Variants in DYNC1H1 observed in about 807,000 individuals in gnomAD.
The protein encoded by DYNC1H1 is cytoplasmic dynein 1 heavy chain 1.
Under a neutral mutation model 527.1 loss-of-function variants are expected in DYNC1H1, and 51 were observed. That is an observed-to-expected ratio of 0.10 (90% confidence interval 0.08 to 0.12). The LOEUF is 0.12. DYNC1H1 is among the 10% of genes least tolerant of loss of function. The probability of loss-of-function intolerance (pLI) is 1.00; values close to 1 mark genes in which losing one functional copy is unlikely to be tolerated. For synonymous variants in DYNC1H1, 2,189 were observed against 2,278.8 expected (o/e 0.96, Z 1.12); for missense variants, 2,771 against 5,971.8 (o/e 0.46, Z 17.66).
chr14:102,020,030 T>C lies in DYNC1H1; in HGVS notation c.8481T>C (p.His2827=), dbSNP rs761653810. Residue 2827 remains histidine (H), a synonymous_variant, in exon 42 of 78, where the codon CAT becomes CAC. Transcript: ENST00000360184. This position sits in a 1 kb window ranked among gnomAD's most constrained non-coding sequence, Gnocchi z 4.3. ...AAGGCCTCATTCGGATTTGGGCACA[T>C]GAAGCTCTGCGTCTCTTCCAAGATA... is the stretch of plus-strand genomic sequence containing the variant. ...PVEGLIRIWA[H]EALRLFQDRL... The C allele has an allele frequency of 2.5e-6, 4 of 1,614,068 alleles. No homozygotes were observed. In the African/African-American group the frequency reaches 4.0e-5, roughly 16 times the overall value.
At position 102,042,501 on chromosome 14, in the gene DYNC1H1, C is replaced by T. The variant is rs752877178; in HGVS notation, c.12393C>T (p.Asn4131=). The T allele has an allele frequency of 6.2e-7, 1 of 1,614,120 alleles. No homozygotes were observed. The highest frequency in any genetic ancestry group is 8.5e-7 in the Non-Finnish European group (1 of 1,180,026). Residue 4131 remains asparagine (N), a synonymous_variant, in exon 68 of 78, where the codon AAC becomes AAT. Coordinates refer to ENST00000360184, the MANE Select transcript of DYNC1H1 (RefSeq NM_001376.5). This position sits in a 1 kb window ranked among gnomAD's most constrained non-coding sequence, Gnocchi z 5.7. ...GACTCTTCCTCACCATGGAGATCAA[C>T]CCCAAGGTGGGTGGTTGAAGGAGTG... ...CFRLFLTMEI[N]PKVPVNLLRA...
chr14:102,026,512 A>G, intron 43 of DYNC1H1, 62 bp from the exon 44 acceptor site: 6 of 1,583,160 alleles, frequency 3.8e-6, no homozygotes, highest in Non-Finnish European at 4.3e-6. Context: ...CATACAGTTG[A>G]CTTTGGTCTA....
chr14:102,049,672 C>T lies in DYNC1H1; in HGVS notation c.13516-42C>T. On this transcript the variant is annotated intron_variant, in intron 75 of 77. Transcript: ENST00000360184. This position sits in a 1 kb window ranked among gnomAD's most constrained non-coding sequence, Gnocchi z 5.5. ...CTGGGGAAAAACACAGGGCCCAGGT[C>T]TGACCTGAGCTCCTTCCCCTGGGGG... The T allele has an allele frequency of 6.2e-7, 1 of 1,613,734 alleles. No homozygotes were observed. Among genetic ancestry groups the T allele is most frequent in the Non-Finnish European group, 8.5e-7 (1 of 1,180,024 alleles).
rs748969396 is a variant in DYNC1H1, at chr14:102,002,173, C to T, written c.4543-364C>T. On this transcript the variant is annotated intron_variant, in intron 21 of 77. Coordinates refer to ENST00000360184, the MANE Select transcript of DYNC1H1 (RefSeq NM_001376.5). This position sits in a 1 kb window ranked among gnomAD's most constrained non-coding sequence, Gnocchi z 4.4. Reference sequence around the variant, plus strand: ...TCACCCAGGCTGGAGTGCAATGGCACGATCTCGGCTCACTGCAACCTCTGC... The same window carrying T: ...TCACCCAGGCTGGAGTGCAATGGCATGATCTCGGCTCACTGCAACCTCTGC... 2.6e-5 allele frequency among the ~76,000 whole-genome samples: 4 copies of T among 151,582 alleles called. No homozygotes were observed. The highest frequency in any genetic ancestry group is 2.1e-4 in the South Asian group (1 of 4,786).
At position 102,038,234 on chromosome 14, in the gene DYNC1H1, C is replaced by T; in HGVS notation, c.10909-226C>T. ...CCTCAAGTGATCTGCCTGCCTCAGCCTCCCAAAGTGCTGGAATTACAGGCG... is the reference window on the plus strand; with the variant it reads ...CCTCAAGTGATCTGCCTGCCTCAGCTTCCCAAAGTGCTGGAATTACAGGCG... On this transcript the variant is annotated intron_variant, in intron 57 of 77. Transcript: ENST00000360184. The surrounding 1 kb of genome is among the most constrained non-coding windows in gnomAD (Gnocchi z 7.2). The T allele has an allele frequency of 3.1e-6, 2 of 636,060 alleles. No homozygotes were observed. Among genetic ancestry groups the T allele is most frequent in the East Asian group, 6.6e-5 (2 of 30,428 alleles). The allele number at this position is 636,060 out of a possible 1,614,324, so 39.4% of individuals were successfully genotyped here.
intron 64 of DYNC1H1, 79 bp downstream of exon 64, chr14:102,040,752 C>A: frequency 6.6e-7 from 1 of 1,519,842 alleles, no homozygotes; most frequent in Non-Finnish European, 9.1e-7. Flanking sequence ...TTTCAAAAAA[C>A]ACAAAGTTAC....
chr14:101,993,712 C>G (rs1286581253), intron 11 of DYNC1H1, among the ~76,000 whole-genome samples: 1 of 152,184 alleles, frequency 6.6e-6, no homozygotes, highest in Non-Finnish European at 1.5e-5. Context: ...ACTGAAAATG[C>G]AGCCTTCCCC....
chr14:101,993,886 T>C (rs1309706569), intron 11 of DYNC1H1, among the ~76,000 whole-genome samples: 1 of 152,230 alleles, frequency 6.6e-6, no homozygotes, highest in East Asian at 1.9e-4. Context: ...CCTAGAACAG[T>C]GCCTGGCACA....
chr14:102,040,873 C>T, intron 64 of DYNC1H1, 200 bp downstream of exon 64: 1 of 650,398 alleles, frequency 1.5e-6, no homozygotes, highest in Non-Finnish European at 2.7e-6. Context: ...GCAGGAAGGT[C>T]ACTTGAGCCT....
intron 63 of DYNC1H1, 52 bp from the exon 64 acceptor site, chr14:102,040,546 T>G: frequency 6.2e-7 from 1 of 1,613,426 alleles, no homozygotes; most frequent in Middle Eastern, 1.6e-4. Context: ...TCGTGGGTTC[T>G]GCCCCAGAGG....
chr14:102,022,374 C>T (rs1337606238), intron 42 of DYNC1H1, among the ~76,000 whole-genome samples: 1 of 151,544 alleles, frequency 6.6e-6, no homozygotes, highest in Non-Finnish European at 1.5e-5. Context: ...GCCTTGGTGG[C>T]GGGCGCCTGT....
intron 10 of DYNC1H1, among the ~76,000 whole-genome samples, chr14:101,990,566 T>C (rs1431649349): frequency 6.6e-6 from 1 of 152,108 alleles, no homozygotes; most frequent in Non-Finnish European, 1.5e-5. Context: ...AGAGAGAAAG[T>C]GTTGAGTATC....
chr14:102,042,536 CAG>C lies in DYNC1H1; in HGVS notation c.12399+30_12399+31del. The C allele has an allele frequency of 1.9e-6, 3 of 1,613,980 alleles. No individual in the cohort carries two copies. On this transcript the variant is annotated intron_variant, in intron 68 of 77. Coordinates refer to ENST00000360184, the MANE Select transcript of DYNC1H1 (RefSeq NM_001376.5). This position sits in a 1 kb window ranked among gnomAD's most constrained non-coding sequence, Gnocchi z 5.7. ...GGTGGTTGAAGGAGTGGAGACGTTG[CAG>C]GCTGGCCTGGCACTGTGCTGTCGGC...
At chr14:102,031,672 T>C (rs1334209685) in intron 51 of DYNC1H1, among the ~76,000 whole-genome samples, 2 of 151,954 alleles carry the variant, frequency 1.3e-5, no homozygotes, top group Non-Finnish European at 2.9e-5. Context: ...AAAATATTTT[T>C]GGCCAGGCGC....
At chr14:101,977,522 G>T (rs574968356) in intron 2 of DYNC1H1, among the ~76,000 whole-genome samples, 1 of 152,274 alleles carries the variant, frequency 6.6e-6, no homozygotes, top group East Asian at 1.9e-4. Flanking sequence ...TCAGTACAAT[G>T]ATCAAATTCA....
At position 102,041,988 on chromosome 14, in the gene DYNC1H1, T is replaced by TAAC. The variant is rs1269161249; in HGVS notation, c.12103-24_12103-22dup. On this transcript the variant is annotated intron_variant, in intron 65 of 77. Coordinates refer to ENST00000360184, the MANE Select transcript of DYNC1H1 (RefSeq NM_001376.5). The surrounding 1 kb of genome is among the most constrained non-coding windows in gnomAD (Gnocchi z 4.5). ...TACACACTATTTGCTGGCACTGTAA[T>TAAC]AACTTCTGCCTTCTTTGTTTGCAGG... 6.2e-7 allele frequency: 1 copy of TAAC among 1,611,692 alleles called. No individual in the cohort carries two copies. Among genetic ancestry groups the TAAC allele is most frequent in the Admixed American group, 1.7e-5 (1 of 60,008 alleles).
chr14:101,994,125 C>T, intron 11 of DYNC1H1, 59 bp from the exon 12 acceptor site: 1 of 1,612,202 alleles, frequency 6.2e-7, no homozygotes. Context: ...TAAAAGGTGA[C>T]ACTTAGATTA....
Position 102,004,775 on chromosome 14 carries a change from C to T in DYNC1H1, c.5063C>T (p.Thr1688Ile). The change falls in exon 25 of 78, where the codon ACT becomes ATT. Residue 1688 changes from threonine to isoleucine, a missense_variant. Around this residue, in one of 32 missense-constraint regions of DYNC1H1, gnomAD observed 105 missense variants for 138.1 expected, o/e 0.76. Coordinates refer to ENST00000360184, the MANE Select transcript of DYNC1H1 (RefSeq NM_001376.5). ...TATTTATTTCAGGTTATGTTTAAAA[C>T]TCCTGTGTCAATTACTGAACATCCC... The part of the protein sequence containing the change: ...SREGEEVMFK[T>I]PVSITEHPKI... 1 of 1,614,136 alleles carries T rather than the reference C, an allele frequency of 6.2e-7. No individual in the cohort carries two copies. The highest frequency in any genetic ancestry group is 8.5e-7 in the Non-Finnish European group (1 of 1,180,022).
At chr14:102,000,197 C>T (rs1567005649) in intron 17 of DYNC1H1, 53 bp downstream of exon 17, 1 of 1,614,082 alleles carries the variant, frequency 6.2e-7, no homozygotes, top group Non-Finnish European at 8.5e-7. Context: ...CCGGACTCTG[C>T]CATTGACTTT....
Sources: gnomAD v4.1 joint callset for allele counts (sites outside exome capture counted in the v4.1 genomes callset) on GRCh38, gnomAD v4.1.1 for gene constraint, gnomAD v4.1.1 regional missense constraint, Gnocchi (gnomAD v3.1) non-coding constraint, MANE v1.5 for transcripts, NCBI Gene and HGNC (gene_info 2026-07-23, HGNC 2026-07-21) for gene names.